Variants in PYHIN1 observed in about 807,000 individuals in gnomAD.
PYHIN1 encodes pyrin and HIN domain-containing protein 1.
PYHIN1 carries 32 observed loss-of-function variants against 43.7 expected under a neutral mutation model. That is an observed-to-expected ratio of 0.73 (90% CI 0.55 to 0.98). The LOEUF is 0.98. Ranked by LOEUF, PYHIN1 falls within the 50% of genes least tolerant of loss-of-function variation. The pLI, the probability that PYHIN1 is intolerant of heterozygous loss-of-function variation, is 0.00. For missense variants in PYHIN1, 588 were observed against 589.5 expected (o/e 1.00, Z 0.03); for synonymous variants, 205 against 203.1 (o/e 1.01, Z -0.08).
At position 158,942,305 on chromosome 1, in the gene PYHIN1, A is replaced by G. The variant is rs773342525; in HGVS notation, c.908A>G (p.Asp303Gly). 3 of 1,613,862 alleles carry G rather than the reference A, an allele frequency of 1.9e-6. No individual in the cohort carries two copies. In the African/African-American group the frequency reaches 4.0e-5, roughly 22 times the overall value. The change falls in exon 5 of 9, where the codon GAC becomes GGC. Residue 303 changes from aspartate (D) to glycine (G), a missense_variant. Physicochemically the swap from Asp to Gly is moderately conservative, Grantham distance 94. Coordinates refer to ENST00000368140, the MANE Select transcript of PYHIN1 (RefSeq NM_152501.5). ...GPDQTFEVPK[D>G]IIRRAKKIPK... ...GACCAAACGTTTGAGGTTCCAAAGG[A>G]CATCATCAGAAGAGCAAAGAAAATT...
At position 158,939,230 on chromosome 1, in the gene PYHIN1, A is replaced by G. The variant is rs771715621; in HGVS notation, c.562A>G (p.Asn188Asp). 1.9e-6 allele frequency: 3 copies of G among 1,602,858 alleles called. No homozygotes were observed. Among genetic ancestry groups the G allele is most frequent in the Non-Finnish European group, 2.6e-6 (3 of 1,175,894 alleles). The part of the protein sequence containing the change: ...PPQTSSSAPP[N>D]TSSTESLKPL... ...CCAGACCTCATCATCAGCTCCACCC[A>G]ACACTTCCTCAACTGAGGTACACTC... The change falls in exon 4 of 9, where the codon AAC becomes GAC. Residue 188 changes from asparagine to aspartate, a missense_variant. Physicochemically the swap from Asn to Asp is conservative, Grantham distance 23. Transcript: ENST00000368140.
intron 7 of PYHIN1, among the ~76,000 whole-genome samples, chr1:158,956,195 T>C (rs1288994487): frequency 6.8e-6 from 1 of 146,550 alleles, no homozygotes; most frequent in Non-Finnish European, 1.5e-5. Flanking sequence ...CTGGTACCAT[T>C]CCTTCTGAAA....
chr1:158,984,874 T>C, the PYHIN1 span, among the ~76,000 whole-genome samples: 1 of 152,188 alleles, frequency 6.6e-6, no homozygotes, highest in African/African-American at 2.4e-5. Context: ...AAGTCTTGTT[T>C]GTAGAATTGA....
intron 7 of PYHIN1, among the ~76,000 whole-genome samples, chr1:158,949,780 C>A (rs1415729959): frequency 6.6e-6 from 1 of 152,140 alleles, no homozygotes; most frequent in Non-Finnish European, 1.5e-5. Context: ...TCCAGTCTAT[C>A]ACTGTTGGAC....
In PYHIN1 at chr1:158,938,457, A is replaced by G; in HGVS notation, c.326A>G (p.Gln109Arg). 6.2e-7 allele frequency: 1 copy of G among 1,614,208 alleles called. No individual in the cohort carries two copies. The highest frequency in any genetic ancestry group is 8.5e-7 in the Non-Finnish European group (1 of 1,180,022). The stretch of plus-strand genomic sequence containing the variant: ...ATAATCCCATCTAAAAAGACGAAAC[A>G]GAAAGAAGTGTATCCTGCTACACCT... ...KGIIPSKKTK[Q>R]KEVYPATPAC... is the part of the protein sequence containing the mutation. The change falls in exon 3 of 9, where the codon CAG (glutamine) becomes CGG (arginine). Residue 109 changes from glutamine to arginine, a missense_variant. Transcript: ENST00000368140.
At chr1:158,975,947 C>T (rs1651230319) in intron 8 of PYHIN1, among the ~76,000 whole-genome samples, 1 of 152,018 alleles carries the variant, frequency 6.6e-6, no homozygotes, top group African/African-American at 2.4e-5. Flanking sequence ...CTTTATAATC[C>T]AATTGTTTCA....
At chr1:158,978,351 C>T (rs1324044938), downstream of PYHIN1, among the ~76,000 whole-genome samples, 4 of 151,702 alleles carry the variant, frequency 2.6e-5, no homozygotes, top group African/African-American at 9.7e-5. Flanking sequence ...GTTTTGAAGC[C>T]ACCGAATTTT....
intron 7 of PYHIN1, among the ~76,000 whole-genome samples, chr1:158,955,491 C>T (rs1649861682): frequency 6.6e-6 from 1 of 151,982 alleles, no homozygotes; most frequent in Admixed American, 6.6e-5. Flanking sequence ...ACAACCTGCT[C>T]CTGAATGACT....
At chr1:158,986,566 G>T in the PYHIN1 span, among the ~76,000 whole-genome samples, 2 of 152,178 alleles carry the variant, frequency 1.3e-5, no homozygotes, top group Non-Finnish European at 2.9e-5. Context: ...GCAATTGTGG[G>T]TCAGTGCTGC....
At chr1:158,953,102 A>T (rs192077323) in intron 7 of PYHIN1, among the ~76,000 whole-genome samples, 59 of 152,306 alleles carry the variant, frequency 3.9e-4, no homozygotes, top group Non-Finnish European at 7.5e-4. Flanking sequence ...CGAGGGTCCT[A>T]CGCCCACGGG....
chr1:158,952,348 T>A (rs1649594552), intron 7 of PYHIN1, among the ~76,000 whole-genome samples: 1 of 147,476 alleles, frequency 6.8e-6, no homozygotes, highest in Non-Finnish European at 1.5e-5. Flanking sequence ...AACTCTGGCC[T>A]CTGATGCTTT....
At chr1:158,964,185 A>T (rs1650487065) in intron 7 of PYHIN1, among the ~76,000 whole-genome samples, 1 of 152,200 alleles carries the variant, frequency 6.6e-6, no homozygotes, top group Admixed American at 6.5e-5. Context: ...GAGAAAAAGG[A>T]ATTAAAAAGA....
intron 4 of PYHIN1, among the ~76,000 whole-genome samples, chr1:158,941,436 T>C (rs1648904884): frequency 2.6e-5 from 4 of 152,198 alleles, no homozygotes; most frequent in African/African-American, 9.7e-5. Context: ...CTGAGGGGTT[T>C]AGCCCACAGG....
intron 1 of PYHIN1, among the ~76,000 whole-genome samples, chr1:158,934,440 A>G (rs1648382145): frequency 6.6e-6 from 1 of 152,054 alleles, no homozygotes; most frequent in Non-Finnish European, 1.5e-5. Flanking sequence ...TCCTCTTTCA[A>G]GTAGATTTGT....
chr1:158,955,573 T>C, intron 7 of PYHIN1, among the ~76,000 whole-genome samples: 1 of 148,160 alleles, frequency 6.7e-6, no homozygotes, highest in Non-Finnish European at 1.5e-5. Flanking sequence ...AGACACAACA[T>C]ACCAGAATCT....
rs201214617 is a variant in PYHIN1 at position 158,938,584 on chromosome 1, G to A, written c.411+42G>A. On this transcript the variant is annotated intron_variant, in intron 3 of 8. Coordinates refer to ENST00000368140, the MANE Select transcript of PYHIN1 (RefSeq NM_152501.5). ...GGAGCAGGCTTCAAGTCTCACAGTG[G>A]AAGCTCTGCTGTGGCTGTTCCACTC... 299 of 1,606,900 alleles carry A rather than the reference G, an allele frequency of 1.9e-4. 1 individual carries two copies. Among genetic ancestry groups the A allele is most frequent in the Non-Finnish European group, 5.4e-5 (63 of 1,176,416 alleles).
chr1:158,958,703 A>G (rs1053402111), intron 7 of PYHIN1, among the ~76,000 whole-genome samples: 5 of 150,904 alleles, frequency 3.3e-5, no homozygotes, highest in South Asian at 4.2e-4. Flanking sequence ...ACATGCATAC[A>G]TATGTAACTA....
intron 7 of PYHIN1, among the ~76,000 whole-genome samples, chr1:158,947,810 G>A (rs1182847103): frequency 2.6e-5 from 4 of 152,238 alleles, no homozygotes; most frequent in African/African-American, 4.8e-5. Flanking sequence ...AGTAAAGAGC[G>A]ATTATGCACC....
At chr1:158,945,093 GGATCATTA>G (rs747538056) in intron 7 of PYHIN1, 51 bp downstream of exon 7, 1 of 1,520,092 alleles carries the variant, frequency 6.6e-7, no homozygotes, top group Admixed American at 2.0e-5. Flanking sequence ...TAAATTACAA[GGATCATTA>G]GATTGTTGAA....
Sources: gnomAD v4.1 joint callset for allele counts (sites outside exome capture counted in the v4.1 genomes callset) on GRCh38, gnomAD v4.1.1 for gene constraint, MANE v1.5 for transcripts, NCBI Gene and HGNC (gene_info 2026-07-23, HGNC 2026-07-21) for gene names.